Variants in TIE1 observed in about 807,000 individuals in gnomAD.
TIE1 encodes tyrosine kinase with immunoglobulin like and EGF like domains 1, also known as tyrosine-protein kinase receptor Tie-1.
TIE1 carries 89 observed loss-of-function variants against 130.5 expected under a neutral mutation model. The ratio of observed to expected loss-of-function variants is 0.68; its 90% CI spans 0.57 to 0.81. The LOEUF (loss-of-function observed/expected upper bound fraction) is 0.81. Among genes scored for constraint, TIE1 ranks in the 40% least tolerant of loss-of-function variants. The pLI is 0.00. For synonymous variants in TIE1, 568 were observed against 629.4 expected (o/e 0.90, Z 1.46); for missense variants, 1,392 against 1,559.8 (o/e 0.89, Z 1.81).
intron 19 of TIE1, chr1:43,320,041 G>T (rs139676029): frequency 1.8e-4 from 35 of 191,376 alleles, no homozygotes; most frequent in Non-Finnish European, 3.5e-4. Flanking sequence ...GGCCTTGCCT[G>T]CATGGCTCAC....
chr1:43,307,116 C>T lies in TIE1; in HGVS notation c.641-26C>T. 1 of 1,613,730 alleles carries T rather than the reference C, an allele frequency of 6.2e-7. No individual in the cohort carries two copies. Among genetic ancestry groups the T allele is most frequent in the Non-Finnish European group, 8.5e-7 (1 of 1,179,968 alleles). The stretch of plus-strand genomic sequence containing the variant: ...CCTCAGTGGTCAGGTGGGTGAGGGT[C>T]AGCTGCTGAAGACACCTTCCTCCAG... On this transcript the variant is annotated intron_variant, in intron 4 of 22. Coordinates refer to ENST00000372476, the MANE Select transcript of TIE1 (RefSeq NM_005424.5). This position sits in a 1 kb window ranked among gnomAD's most constrained non-coding sequence, Gnocchi z 5.4.
At chr1:43,305,577 C>A (rs976587167) in intron 3 of TIE1, among the ~76,000 whole-genome samples, 41 of 152,216 alleles carry the variant, frequency 2.7e-4, no homozygotes, top group Non-Finnish European at 1.6e-4. Context: ...GCTGCCCCTT[C>A]CCTCTTAGCC....
rs574772514 is a variant in TIE1, at chr1:43,308,714, T to C, written c.1043-272T>C. Among the ~76,000 whole-genome samples, 11 of 152,150 alleles carry C rather than the reference T, an allele frequency of 7.2e-5. No homozygotes were observed. In the South Asian group the frequency reaches 1.9e-3, roughly 26 times the overall value. ...CCTAGGGACCAGAAATGATGAGGCCTGAGCTAGTGTGCTGGCTGGGAGGAT... is the reference window on the plus strand; with the variant it reads ...CCTAGGGACCAGAAATGATGAGGCCCGAGCTAGTGTGCTGGCTGGGAGGAT... On this transcript the variant is annotated intron_variant, in intron 7 of 22. Transcript: ENST00000372476.
At position 43,315,516 on chromosome 1, in the gene TIE1, C is replaced by G. The variant is rs1646850355; in HGVS notation, c.2409+1548C>G. Among the ~76,000 whole-genome samples the G allele has an allele frequency of 6.6e-6, 1 of 151,960 alleles. No homozygotes were observed. On this transcript the variant is annotated intron_variant, in intron 14 of 22. Transcript: ENST00000372476. The surrounding 1 kb of genome is among the most constrained non-coding windows in gnomAD (Gnocchi z 4.4). ...TAAAGCTACAAAAATTAGCCAGGCACAGTGGCAGGAGCCTGTAATCCCAGC... is the reference window on the plus strand; with the variant it reads ...TAAAGCTACAAAAATTAGCCAGGCAGAGTGGCAGGAGCCTGTAATCCCAGC...
At position 43,319,751 on chromosome 1, in the gene TIE1, GT is replaced by G; in HGVS notation, c.3107+225del. The G allele has an allele frequency of 5.2e-6, 3 of 577,990 alleles. No individual in the cohort carries two copies. The South Asian group carries it at 6.1e-5, about 12-fold the overall frequency. The allele number at this position is 577,990 out of a possible 1,614,324, so 35.8% of individuals were successfully genotyped here. A position where few individuals can be genotyped will look rare whatever the true frequency, so the allele number is the denominator to read the frequency against. ...CAGGAATAGGACTGGGGTAAAGGTA[GT>G]TTCGGATTATGTTTGTGTAAGTGAC... On this transcript the variant is annotated intron_variant, in intron 19 of 22. Coordinates refer to ENST00000372476, the MANE Select transcript of TIE1 (RefSeq NM_005424.5). The surrounding 1 kb of genome is among the most constrained non-coding windows in gnomAD (Gnocchi z 4.7).
At position 43,309,256 on chromosome 1, in the gene TIE1, A is replaced by G. The variant is rs946741733; in HGVS notation, c.1188+125A>G. On this transcript the variant is annotated intron_variant, in intron 8 of 22. Transcript: ENST00000372476. This position sits in a 1 kb window ranked among gnomAD's most constrained non-coding sequence, Gnocchi z 6.3. ...ACCCATTGGCCTGACCATTGCTCAC[A>G]TGAGGTCAGGCTGATTGGTGAGGGG... 8.7e-5 allele frequency: 131 copies of G among 1,504,792 alleles called. No individual in the cohort carries two copies. Among genetic ancestry groups the G allele is most frequent in the Non-Finnish European group, 1.1e-4 (128 of 1,123,284 alleles). The allele number at this position is 1,504,792 out of a possible 1,614,324, so 93.2% of individuals were successfully genotyped here. A position where few individuals can be genotyped will look rare whatever the true frequency, so the allele number is the denominator to read the frequency against.
Position 43,319,247 on chromosome 1 carries a change from G to T in TIE1, c.2935G>T (p.Asp979Tyr), listed in dbSNP as rs1242875518. 1 of 1,613,992 alleles carries T rather than the reference G, an allele frequency of 6.2e-7. No homozygotes were observed. Among genetic ancestry groups the T allele is most frequent in the Non-Finnish European group, 8.5e-7 (1 of 1,179,938 alleles). ...ACCCTGCCTACAGTTCATCCACAGG[G>T]ACCTGGCTGCCCGGAATGTGCTGGT... ...YLSEKQFIHR[D>Y]LAARNVLVGE... The change falls in exon 18 of 23, where the codon GAC (aspartate) becomes TAC (tyrosine). Residue 979 changes from aspartate (D) to tyrosine (Y), a missense_variant. Asp to Tyr is a radical substitution (Grantham distance 160). Coordinates refer to ENST00000372476, the MANE Select transcript of TIE1 (RefSeq NM_005424.5). This position sits in a 1 kb window ranked among gnomAD's most constrained non-coding sequence, Gnocchi z 4.7.
intron 1 of TIE1, among the ~76,000 whole-genome samples, chr1:43,304,516 C>T (rs763996306): frequency 2.0e-5 from 3 of 152,116 alleles, no homozygotes; most frequent in Non-Finnish European, 4.4e-5. Flanking sequence ...TCATTCTTTC[C>T]GAAAGCTGGG....
In TIE1 at chr1:43,313,811, G is replaced by A. The variant is rs753360821; in HGVS notation, c.2252G>A (p.Arg751Gln). The A allele has an allele frequency of 1.7e-5, 28 of 1,613,690 alleles. No individual in the cohort carries two copies. The highest frequency in any genetic ancestry group is 5.3e-5 in the African/African-American group (4 of 75,010). Residue 751 changes from arginine (R) to glutamine (Q), a missense_variant, in exon 14 of 23, where the codon CGG (arginine) becomes CAG (glutamine). Coordinates refer to ENST00000372476, the MANE Select transcript of TIE1 (RefSeq NM_005424.5). The surrounding 1 kb of genome is among the most constrained non-coding windows in gnomAD (Gnocchi z 6.2). The stretch of plus-strand genomic sequence containing the variant: ...GCTGAGGGCCCAGTCCAAGAGAGCC[G>A]GGCAGCTGAAGAGGGCCTGGATCAG... ...LQAEGPVQES[R>Q]AAEEGLDQQL...
At position 43,304,930 on chromosome 1, in the gene TIE1, G is replaced by T; in HGVS notation, c.138G>T (p.Gly46=). Residue 46 remains glycine (G), a synonymous_variant, in exon 2 of 23, where the codon GGG becomes GGT. Coordinates refer to ENST00000372476, the MANE Select transcript of TIE1 (RefSeq NM_005424.5). ...GCTTCTTCCTGACTTGCGTGTCTGG[G>T]GAGGCCGGGGCGGGGAGGGGCTCGG... is the stretch of plus-strand genomic sequence containing the variant. ...PQRFFLTCVS[G]EAGAGRGSDA... The T allele has an allele frequency of 6.9e-7, 1 of 1,445,350 alleles. No homozygotes were observed. Among genetic ancestry groups the T allele is most frequent in the Non-Finnish European group, 9.1e-7 (1 of 1,103,778 alleles). 89.5% of individuals were successfully genotyped at this position (1,445,350 alleles called of 1,614,324 possible).
chr1:43,312,488 C>A lies in TIE1; in HGVS notation c.1814C>A (p.Ala605Asp). The change falls in exon 12 of 23, where the codon GCC becomes GAC. Residue 605 changes from alanine to aspartate, a missense_variant. Physicochemically the swap from Ala to Asp is moderately radical, Grantham distance 126 (BLOSUM62 -2). Transcript: ENST00000372476. This position sits in a 1 kb window ranked among gnomAD's most constrained non-coding sequence, Gnocchi z 5.6. ...GTCTCATCCCCCCAGGCCCGCACTG[C>A]CCTCCTGACGGGACTCACGCCTGGC... is the stretch of plus-strand genomic sequence containing the variant. ...ENVSSPQART[A>D]LLTGLTPGTH... 1.2e-6 allele frequency: 2 copies of A among 1,612,708 alleles called. No homozygotes were observed. Among genetic ancestry groups the A allele is most frequent in the Non-Finnish European group, 1.7e-6 (2 of 1,179,878 alleles).
rs1646809893 is a variant in TIE1, at chr1:43,312,558, G to T, written c.1884G>T (p.Leu628=). ...TGCAGCTCTACCACTGCACCCTCCT[G>T]GGCCCGGCCTCGCCCCCTGCACACG... ...LDVQLYHCTL[L]GPASPPAHVL... The change falls in exon 12 of 23, where the codon CTG becomes CTT. Residue 628 remains leucine (L), a synonymous_variant. Transcript: ENST00000372476. The surrounding 1 kb of genome is among the most constrained non-coding windows in gnomAD (Gnocchi z 5.6). The T allele has an allele frequency of 6.2e-7, 1 of 1,613,040 alleles. No homozygotes were observed. The highest frequency in any genetic ancestry group is 2.2e-5 in the East Asian group (1 of 44,882).
At chr1:43,301,615 T>TA (rs1646670988) in intron 1 of TIE1, among the ~76,000 whole-genome samples, 1 of 152,212 alleles carries the variant, frequency 6.6e-6, no homozygotes, top group Non-Finnish European at 1.5e-5. Context: ...CTCACGCCTG[T>TA]AATCCCGGCA....
intron 19 of TIE1, among the ~76,000 whole-genome samples, chr1:43,321,054 A>AC (rs1432688308): frequency 9.5e-6 from 1 of 105,624 alleles, no homozygotes; most frequent in African/African-American, 3.2e-5. Flanking sequence ...AAAAAAAAAA[A>AC]CAAAACAAAA....
chr1:43,303,670 C>A (rs750830207), intron 1 of TIE1, among the ~76,000 whole-genome samples: 2 of 152,118 alleles, frequency 1.3e-5, no homozygotes, highest in Non-Finnish European at 2.9e-5. Context: ...CCTGCCTCAG[C>A]CTCACATTTT....
chr1:43,306,727 G>A lies in TIE1; in HGVS notation c.485-113G>A, dbSNP rs1646731626. On this transcript the variant is annotated intron_variant, in intron 3 of 22. Transcript: ENST00000372476. The surrounding 1 kb of genome is among the most constrained non-coding windows in gnomAD (Gnocchi z 4.9). The stretch of plus-strand genomic sequence containing the variant: ...ATAGGCTCTCGTGGTGCCGGCCCTA[G>A]GTCTCATCACTGTGCATGGGGCTCA... 1 of 1,372,576 alleles carries A rather than the reference G, an allele frequency of 7.3e-7. No homozygotes were observed. The highest frequency in any genetic ancestry group is 9.9e-7 in the Non-Finnish European group (1 of 1,014,652). The allele number at this position is 1,372,576 out of a possible 1,614,324, so 85.0% of individuals were successfully genotyped here. A position where few individuals can be genotyped will look rare whatever the true frequency, so the allele number is the denominator to read the frequency against.
chr1:43,308,912 AC>A (rs1217761452), intron 7 of TIE1, 73 bp from the exon 8 acceptor site: 1 of 1,604,994 alleles, frequency 6.2e-7, no homozygotes, highest in Middle Eastern at 1.7e-4. Context: ...GAAACAGAAC[AC>A]GGATGAGGGG....
Position 43,307,519 on chromosome 1 carries a change from A to C in TIE1, c.860A>C (p.Asp287Ala). Residue 287 changes from aspartate to alanine, a missense_variant, in exon 6 of 23, where the codon GAC becomes GCC. Physicochemically the swap from Asp to Ala is moderately radical, Grantham distance 126. Transcript: ENST00000372476. This position sits in a 1 kb window ranked among gnomAD's most constrained non-coding sequence, Gnocchi z 5.4. Reference sequence around the variant, plus strand: ...CGGGGCCTCACCTTCTGCCTCCCAGACCCCTATGGCTGCTCTTGTGGATCT... The same window carrying C: ...CGGGGCCTCACCTTCTGCCTCCCAGCCCCCTATGGCTGCTCTTGTGGATCT... ...GCRGLTFCLP[D>A]PYGCSCGSGW... 3 of 1,614,004 alleles carry C rather than the reference A, an allele frequency of 1.9e-6. No individual in the cohort carries two copies. Among genetic ancestry groups the C allele is most frequent in the Non-Finnish European group, 2.5e-6 (3 of 1,179,978 alleles).
At chr1:43,308,831 G>A in intron 7 of TIE1, 155 bp from the exon 8 acceptor site, 1 of 945,590 alleles carries the variant, frequency 1.1e-6, no homozygotes, top group East Asian at 2.6e-5. Context: ...TGTGGGGCTG[G>A]GACGCTGGAG....
Sources: allele counts gnomAD v4.1 joint callset (sites outside exome capture counted in the v4.1 genomes callset), GRCh38; gene constraint gnomAD v4.1.1; non-coding constraint Gnocchi (gnomAD v3.1); transcripts MANE v1.5; gene names NCBI Gene and HGNC (gene_info 2026-07-23, HGNC 2026-07-21).